NARS2: variants seen among roughly 807,000 people sequenced by gnomAD.
The protein encoded by NARS2 is asparaginyl-tRNA synthetase 2, mitochondrial, also known as asparaginyl-tRNA synthetase.
NARS2 carries 60 observed loss-of-function variants against 62.9 expected under a neutral mutation model. That is an observed-to-expected ratio of 0.95 (90% CI 0.77 to 1.18). NARS2 has a LOEUF of 1.18. NARS2 is among the 50% of genes most tolerant of loss of function. The pLI is 0.00. For synonymous variants in NARS2, 196 were observed against 200.0 expected (o/e 0.98, Z 0.17); for missense variants, 619 against 576.4 (o/e 1.07, Z -0.76).
intron 5 of NARS2, among the ~76,000 whole-genome samples, chr11:78,535,077 G>A (rs1394009159): frequency 6.6e-6 from 1 of 152,180 alleles, no homozygotes; most frequent in African/African-American, 2.4e-5. Flanking sequence ...AAATCAGTGA[G>A]GCAAAGCTGA....
At position 78,511,017 on chromosome 11, in the gene NARS2, A is replaced by C. The variant is rs114102376; in HGVS notation, c.690-17822T>G. Among the ~76,000 whole-genome samples, 1,039 of 152,310 alleles carry C rather than the reference A, an allele frequency of 6.8e-3. 11 individuals carry two copies. Among genetic ancestry groups the C allele is most frequent in the African/African-American group, 0.024 (979 of 41,564 alleles). On this transcript the variant is annotated intron_variant, in intron 6 of 13. Coordinates refer to ENST00000281038, the MANE Select transcript of NARS2 (RefSeq NM_024678.6). ...GAGCAGGGGTGGGGAAAGAGACTCG[A>C]GCCAAAGGAAAACAAGGAATTTTTT...
chr11:78,480,040 A>G (rs1348939441), intron 7 of NARS2, among the ~76,000 whole-genome samples: 2 of 152,144 alleles, frequency 1.3e-5, no homozygotes, highest in African/African-American at 2.4e-5. Context: ...CTGGGACCAC[A>G]GGCATGCATC....
intron 6 of NARS2, among the ~76,000 whole-genome samples, chr11:78,511,589 C>T (rs565771047): frequency 2.0e-5 from 3 of 151,966 alleles, no homozygotes; most frequent in African/African-American, 7.3e-5. Context: ...TGGTGGCAGG[C>T]GCCTGTAGTC....
intron 11 of NARS2, among the ~76,000 whole-genome samples, chr11:78,458,107 T>C (rs564723511): frequency 2.2e-4 from 33 of 152,096 alleles, no homozygotes; most frequent in African/African-American, 7.2e-4. Context: ...TTCAAAAAGG[T>C]GGATGAGAGG....
intron 6 of NARS2, among the ~76,000 whole-genome samples, chr11:78,505,613 C>G (rs1306536146): frequency 6.6e-6 from 1 of 152,088 alleles, no homozygotes; most frequent in East Asian, 1.9e-4. Flanking sequence ...TCATCATTAT[C>G]TACCTGAAGT....
intron 12 of NARS2, among the ~76,000 whole-genome samples, chr11:78,442,559 C>T (rs996633426): frequency 6.6e-6 from 1 of 151,862 alleles, no homozygotes; most frequent in Non-Finnish European, 1.5e-5. Context: ...ATGGCTTTTC[C>T]AGATTACTAT....
intron 6 of NARS2, among the ~76,000 whole-genome samples, chr11:78,500,794 C>T (rs1043920834): frequency 6.6e-6 from 1 of 152,096 alleles, no homozygotes; most frequent in African/African-American, 2.4e-5. Context: ...GTTTGTGTTA[C>T]TTAAAAATAA....
chr11:78,438,019 G>GC (rs1857464391), intron 13 of NARS2, among the ~76,000 whole-genome samples: 1 of 145,682 alleles, frequency 6.9e-6, no homozygotes, highest in African/African-American at 2.5e-5. Context: ...CAAAAACCAA[G>GC]CAAGTTTATA....
At chr11:78,517,157 T>G (rs1467871971) in intron 6 of NARS2, among the ~76,000 whole-genome samples, 1 of 152,144 alleles carries the variant, frequency 6.6e-6, no homozygotes, top group Non-Finnish European at 1.5e-5. Context: ...TTAGGAGAGC[T>G]GAAGCAAAGG....
intron 6 of NARS2, among the ~76,000 whole-genome samples, chr11:78,518,523 C>CT (rs561847899): frequency 0.016 from 2,375 of 146,350 alleles, 61 homozygotes; most frequent in African/African-American, 0.054. Context: ...CAAACAATTT[C>CT]TTTTTTTTTT....
chr11:78,570,425 T>A (rs1472744016), intron 2 of NARS2, among the ~76,000 whole-genome samples: 1 of 152,170 alleles, frequency 6.6e-6, no homozygotes, highest in African/African-American at 2.4e-5. Context: ...CAGGGCTCTA[T>A]CACACAGGCT....
chr11:78,457,209 T>C (rs1236233969), intron 11 of NARS2, among the ~76,000 whole-genome samples: 4 of 152,234 alleles, frequency 2.6e-5, no homozygotes, highest in Admixed American at 1.3e-4. Flanking sequence ...GAAGATAAAT[T>C]ATAACTGTAA....
chr11:78,450,053 A>T lies in NARS2; in HGVS notation c.1165-6295T>A, dbSNP rs372175227. 2.5e-4 allele frequency among the ~76,000 whole-genome samples: 38 copies of T among 152,338 alleles called. 1 individual carries two copies. In the South Asian group the frequency reaches 2.7e-3, roughly 11 times the overall value. The stretch of plus-strand genomic sequence containing the variant: ...GCAACGTATGTATGTCACTTCTCAC[A>T]TTCCTCGACCAATGCAAGTCATATG... On this transcript the variant is annotated intron_variant, in intron 11 of 13. Transcript: ENST00000281038.
Position 78,488,262 on chromosome 11 carries a change from G to C in NARS2, c.822+4801C>G, listed in dbSNP as rs572503783. Among the ~76,000 whole-genome samples, 67 of 151,470 alleles carry C rather than the reference G, an allele frequency of 4.4e-4. 1 individual carries two copies. In the South Asian group the frequency reaches 0.013, roughly 29 times the overall value. On this transcript the variant is annotated intron_variant, in intron 7 of 13. Coordinates refer to ENST00000281038, the MANE Select transcript of NARS2 (RefSeq NM_024678.6). ...AAAAAAAAAAAAAAAAACTGTGTAT[G>C]TGTGATTAAGAATCTTTAAATGATG...
At chr11:78,521,337 T>A (rs991367489) in intron 6 of NARS2, among the ~76,000 whole-genome samples, 5 of 151,978 alleles carry the variant, frequency 3.3e-5, no homozygotes, top group Admixed American at 1.3e-4. Context: ...GTTTTTGGTT[T>A]TTTTGTTTGT....
intron 5 of NARS2, among the ~76,000 whole-genome samples, chr11:78,530,896 C>T (rs995365793): frequency 2.0e-5 from 3 of 152,120 alleles, no homozygotes; most frequent in Non-Finnish European, 2.9e-5. Flanking sequence ...GTCATGTTAG[C>T]GTTTACGTAA....
chr11:78,512,575 G>T (rs1003021040), intron 6 of NARS2, among the ~76,000 whole-genome samples: 1 of 151,982 alleles, frequency 6.6e-6, no homozygotes, highest in African/African-American at 2.4e-5. Context: ...CGGTCATTAA[G>T]CTTATAAAAC....
intron 9 of NARS2, among the ~76,000 whole-genome samples, chr11:78,474,894 T>C (rs1007601344): frequency 6.6e-6 from 1 of 151,954 alleles, no homozygotes; most frequent in Non-Finnish European, 1.5e-5. Flanking sequence ...AACATATCTA[T>C]CGTCTCACAT....
intron 6 of NARS2, among the ~76,000 whole-genome samples, chr11:78,512,470 G>A (rs947821568): frequency 6.6e-6 from 1 of 152,154 alleles, no homozygotes; most frequent in African/African-American, 2.4e-5. Flanking sequence ...GCCTGCACAG[G>A]AGTAAACACT....
Sources: gnomAD v4.1 joint callset for allele counts (sites outside exome capture counted in the v4.1 genomes callset) on GRCh38, gnomAD v4.1.1 for gene constraint, MANE v1.5 for transcripts, NCBI Gene and HGNC (gene_info 2026-07-23, HGNC 2026-07-21) for gene names.